CFAP299: variants seen among roughly 807,000 people sequenced by gnomAD.
CFAP299 encodes the protein cilia- and flagella-associated protein 299.
CFAP299 carries 21 observed loss-of-function variants against 27.0 expected under a neutral mutation model. The ratio of observed to expected loss-of-function variants is 0.78; its 90% CI spans 0.55 to 1.12. The LOEUF is 1.12. CFAP299 is among the 50% of genes most tolerant of loss of function. CFAP299 has a pLI of 0.00. For missense variants in CFAP299, 310 were observed against 276.6 expected (o/e 1.12, Z -0.86); for synonymous variants, 104 against 98.1 (o/e 1.06, Z -0.36).
intron 5 of CFAP299, among the ~76,000 whole-genome samples, chr4:80,949,425 G>C (rs961338171): frequency 2.6e-5 from 4 of 152,010 alleles, no homozygotes; most frequent in African/African-American, 9.7e-5. Context: ...GAGAGCATTG[G>C]AGATAATGTT....
chr4:80,323,891 C>A, the CFAP299 span, among the ~76,000 whole-genome samples: 1 of 152,156 alleles, frequency 6.6e-6, no homozygotes, highest in Non-Finnish European at 1.5e-5. Flanking sequence ...TGCCAATAGT[C>A]ACATTGTTTT....
intron 3 of CFAP299, among the ~76,000 whole-genome samples, chr4:80,789,278 G>T (rs546253845): frequency 5.5e-4 from 84 of 151,924 alleles, no homozygotes; most frequent in African/African-American, 1.8e-3. Context: ...TAAAATCTGG[G>T]CATGCCTTTG....
At chr4:80,398,017 A>C (rs58686538) in intron 2 of CFAP299, among the ~76,000 whole-genome samples, 12,965 of 152,236 alleles carry the variant, frequency 0.085, 1,282 homozygotes, top group African/African-American at 0.24. Flanking sequence ...ATGTGCAAAA[A>C]TCACAAGCAT....
intron 3 of CFAP299, among the ~76,000 whole-genome samples, chr4:80,640,121 T>C (rs182850527): frequency 5.3e-5 from 8 of 152,252 alleles, no homozygotes; most frequent in Admixed American, 1.3e-4. Flanking sequence ...CTGTATGTTA[T>C]ATGTATTTTA....
At chr4:80,540,571 C>T (rs1338609211) in intron 2 of CFAP299, among the ~76,000 whole-genome samples, 1 of 152,006 alleles carries the variant, frequency 6.6e-6, no homozygotes, top group Non-Finnish European at 1.5e-5. Context: ...ATAATGAGCC[C>T]CTTTAGCTAG....
chr4:80,387,597 A>G (rs1725086749), intron 2 of CFAP299: 2 of 1,197,328 alleles, frequency 1.7e-6, no homozygotes, highest in Non-Finnish European at 2.5e-6. Flanking sequence ...GTACAGTCAC[A>G]GAGTTTCGAG....
At chr4:80,413,204 A>T (rs1272181749) in intron 2 of CFAP299, among the ~76,000 whole-genome samples, 1 of 152,226 alleles carries the variant, frequency 6.6e-6, no homozygotes. Context: ...TTGCACAGCA[A>T]GTACAGATCA....
chr4:80,348,342 G>A (rs1192517609), intron 1 of CFAP299, among the ~76,000 whole-genome samples: 1 of 152,022 alleles, frequency 6.6e-6, no homozygotes, highest in Non-Finnish European at 1.5e-5. Flanking sequence ...AAATTAGAGT[G>A]AACAGACAAC....
At chr4:80,411,462 G>C (rs1726716611) in intron 2 of CFAP299, among the ~76,000 whole-genome samples, 1 of 151,896 alleles carries the variant, frequency 6.6e-6, no homozygotes, top group African/African-American at 2.4e-5. Context: ...AGGATGAAAG[G>C]AATGTAAACA....
At chr4:80,904,441 G>T (rs909827933) in intron 4 of CFAP299, among the ~76,000 whole-genome samples, 2 of 152,034 alleles carry the variant, frequency 1.3e-5, no homozygotes, top group African/African-American at 4.8e-5. Flanking sequence ...TGGGTTCTAT[G>T]GGGAACCCTT....
chr4:80,622,573 A>G (rs1021104520), intron 3 of CFAP299, among the ~76,000 whole-genome samples: 2 of 152,036 alleles, frequency 1.3e-5, no homozygotes, highest in Non-Finnish European at 2.9e-5. Flanking sequence ...ATAATTTTTT[A>G]TTGTCAATAT....
intron 2 of CFAP299, among the ~76,000 whole-genome samples, chr4:80,396,492 C>T (rs896982690): frequency 2.0e-5 from 3 of 152,064 alleles, no homozygotes; most frequent in Non-Finnish European, 4.4e-5. Flanking sequence ...ATTTTATTAG[C>T]ATTGGTATTA....
At chr4:80,884,686 A>T (rs1733887478) in intron 4 of CFAP299, among the ~76,000 whole-genome samples, 1 of 150,798 alleles carries the variant, frequency 6.6e-6, no homozygotes, top group Non-Finnish European at 1.5e-5. Flanking sequence ...GAGCAACGAA[A>T]CTAAGAGCTA....
chr4:80,355,354 CTTTTTTTTT>C (rs70944772), intron 1 of CFAP299, among the ~76,000 whole-genome samples: 2 of 95,522 alleles, frequency 2.1e-5, no homozygotes, highest in Admixed American at 2.8e-4. Flanking sequence ...ATGTCCTTTG[CTTTTTTTTT>C]TTTTTTTTTT....
chr4:80,722,564 C>A (rs770843492), intron 3 of CFAP299, among the ~76,000 whole-genome samples: 6 of 152,222 alleles, frequency 3.9e-5, no homozygotes, highest in African/African-American at 1.4e-4. Context: ...AAGTATATAT[C>A]TTTTAAAAGA....
intron 3 of CFAP299, among the ~76,000 whole-genome samples, chr4:80,584,550 A>T (rs1736336369): frequency 6.6e-6 from 1 of 151,874 alleles, no homozygotes. Context: ...AACCTGTTTT[A>T]TTTCCTTCCT....
chr4:80,421,552 C>T (rs1167528872), intron 2 of CFAP299, among the ~76,000 whole-genome samples: 1 of 152,192 alleles, frequency 6.6e-6, no homozygotes, highest in Non-Finnish European at 1.5e-5. Flanking sequence ...TTATTTCCCT[C>T]TGGCTCTTAC....
chr4:80,763,109 C>T (rs1699535185), intron 3 of CFAP299, among the ~76,000 whole-genome samples: 1 of 152,008 alleles, frequency 6.6e-6, no homozygotes, highest in Non-Finnish European at 1.5e-5. Context: ...CCTTGAGCAA[C>T]CAGGCAAGAG....
chr4:80,698,167 A>T (rs1721232234), intron 3 of CFAP299, among the ~76,000 whole-genome samples: 1 of 152,168 alleles, frequency 6.6e-6, no homozygotes, highest in Non-Finnish European at 1.5e-5. Context: ...AATCACTTTA[A>T]TCTCTGAGGG....
Sources: allele counts gnomAD v4.1 joint callset (sites outside exome capture counted in the v4.1 genomes callset), GRCh38; gene constraint gnomAD v4.1.1; transcripts MANE v1.5; gene names NCBI Gene and HGNC (gene_info 2026-07-23, HGNC 2026-07-21).